VPS4B: variants seen among roughly 807,000 people sequenced by gnomAD.
VPS4B encodes the protein vacuolar protein sorting 4 homolog B, also known as vacuolar protein sorting-associated protein 4B.
Under a neutral mutation model 56.1 loss-of-function variants are expected in VPS4B, and 23 were observed. That is an observed-to-expected ratio of 0.41 (90% CI 0.30 to 0.58). The LOEUF (loss-of-function observed/expected upper bound fraction) is 0.58. Among genes scored for constraint, VPS4B ranks in the 20% least tolerant of loss-of-function variants. The probability of loss-of-function intolerance (pLI) is 0.29; values close to 1 mark genes in which losing one functional copy is unlikely to be tolerated. For synonymous variants in VPS4B, 177 were observed against 186.0 expected (o/e 0.95, Z 0.39); for missense variants, 372 against 531.9 (o/e 0.70, Z 2.96).
chr18:63,412,789 A>G (rs1251782380), intron 1 of VPS4B, among the ~76,000 whole-genome samples: 4 of 152,178 alleles, frequency 2.6e-5, no homozygotes, highest in Non-Finnish European at 4.4e-5. Flanking sequence ...AGCCTCCCCA[A>G]ATAGCAGGAT....
At position 63,410,938 on chromosome 18, in the gene VPS4B, G is replaced by C. The variant is rs74595801; in HGVS notation, c.140-492C>G. Among the ~76,000 whole-genome samples the C allele has an allele frequency of 3.5e-3, 537 of 152,320 alleles. 3 individuals are homozygous for C. The highest frequency in any genetic ancestry group is 0.012 in the African/African-American group (510 of 41,566). ...TAAATTTTACTACACAAAGGCCTCT[G>C]TCAGAGCTGTTTTCAAAGTGAACTT... On this transcript the variant is annotated intron_variant, in intron 2 of 10. Transcript: ENST00000238497.
In VPS4B at chr18:63,390,914, A is replaced by G; in HGVS notation, c.*61T>C. 1 of 1,226,324 alleles carries G rather than the reference A, an allele frequency of 8.2e-7. No individual in the cohort carries two copies. The highest frequency in any genetic ancestry group is 1.2e-6 in the Non-Finnish European group (1 of 845,882). 76.0% of individuals were successfully genotyped at this position (1,226,324 alleles called of 1,614,324 possible). A position where few individuals can be genotyped will look rare whatever the true frequency, so the allele number is the denominator to read the frequency against. ...ACTGGAAACAATTAATGCGATCCAA[A>G]TAGACAAAAATATCTATGAAAGAAA... On this transcript the variant is annotated 3_prime_UTR_variant, in exon 11 of 11. Coordinates refer to ENST00000238497, the MANE Select transcript of VPS4B (RefSeq NM_004869.4).
At position 63,393,421 on chromosome 18, in the gene VPS4B, T is replaced by C. The variant is rs200504745; in HGVS notation, c.1221A>G (p.Pro407=). ...CAAAATTTCAAACCATGGAAACAAC[T>C]GGCTCCAAAAGTTTATCTCCAGGGA... is the stretch of plus-strand genomic sequence containing the variant. The part of the protein sequence containing the change: ...MDVPGDKLLE[P]VVSMSDMLRS... The change falls in exon 10 of 11, where the codon CCA becomes CCG. Residue 407 remains proline, a synonymous_variant. Transcript: ENST00000238497. 21 of 1,595,904 alleles carry C rather than the reference T, an allele frequency of 1.3e-5. No individual in the cohort carries two copies. Among genetic ancestry groups the C allele is most frequent in the Non-Finnish European group, 1.7e-5 (20 of 1,173,812 alleles).
intron 2 of VPS4B, 76 bp downstream of exon 2, chr18:63,411,391 T>G: frequency 9.1e-7 from 1 of 1,093,714 alleles, no homozygotes. Flanking sequence ...TGGCATTATA[T>G]TTCAATTTTT....
chr18:63,420,343 G>A (rs980680206), intron 1 of VPS4B, among the ~76,000 whole-genome samples: 10 of 152,156 alleles, frequency 6.6e-5, no homozygotes, highest in African/African-American at 2.4e-4. Flanking sequence ...AGCTACTCGG[G>A]AGGCTGAGGC....
intron 1 of VPS4B, 76 bp from the exon 2 acceptor site, chr18:63,411,654 A>ATTT: frequency 7.0e-6 from 7 of 994,476 alleles, no homozygotes; most frequent in African/African-American, 3.8e-5. Flanking sequence ...TCATACTGAA[A>ATTT]GTTTTTTTTT....
chr18:63,405,543 C>T (rs761652709), intron 4 of VPS4B, among the ~76,000 whole-genome samples: 14 of 152,038 alleles, frequency 9.2e-5, no homozygotes, highest in Non-Finnish European at 1.8e-4. Context: ...CCTGAAATTT[C>T]AAATACATTT....
chr18:63,400,390 A>G (rs1162445163), intron 6 of VPS4B, among the ~76,000 whole-genome samples, 157 bp downstream of exon 6: 2 of 152,244 alleles, frequency 1.3e-5, no homozygotes, highest in African/African-American at 4.8e-5. Context: ...TTTTCCCACA[A>G]AAGAAATTCT....
chr18:63,396,497 A>T (rs548114196), intron 9 of VPS4B: 1 of 154,100 alleles, frequency 6.5e-6, no homozygotes, highest in South Asian at 2.0e-4. Flanking sequence ...AGATCTGCCC[A>T]CCTCGGCCTC....
At position 63,399,221 on chromosome 18, in the gene VPS4B, A is replaced by C. The variant is rs185777276; in HGVS notation, c.872+21T>G. On this transcript the variant is annotated intron_variant, in intron 8 of 10. Transcript: ENST00000238497. Reference sequence around the variant, plus strand: ...TGTTACATCTGCAGTGAGAAATAAGATATTTACTATATTATCCTACCTTCG... The same window carrying C: ...TGTTACATCTGCAGTGAGAAATAAGCTATTTACTATATTATCCTACCTTCG... 1.3e-4 allele frequency: 203 copies of C among 1,581,698 alleles called. No homozygotes were observed. The African/African-American group carries it at 2.4e-3, about 19-fold the overall frequency.
At chr18:63,398,225 T>TATATATATATATATATATA (rs1568084680) in intron 8 of VPS4B, among the ~76,000 whole-genome samples, 28 of 55,004 alleles carry the variant, frequency 5.1e-4, no homozygotes, top group African/African-American at 1.2e-3. Flanking sequence ...ATATATATAT[T>TATATATATATATATATATA]TTTTTTTGAG....
At chr18:63,396,598 C>T (rs1000086811) in intron 9 of VPS4B, 3 of 162,724 alleles carry the variant, frequency 1.8e-5, no homozygotes, top group African/African-American at 7.2e-5. Flanking sequence ...TTCAGTGACA[C>T]AGAAATATGT....
chr18:63,414,182 G>C (rs1916111390), intron 1 of VPS4B, among the ~76,000 whole-genome samples: 1 of 151,736 alleles, frequency 6.6e-6, no homozygotes, highest in Non-Finnish European at 1.5e-5. Flanking sequence ...AGGAGTTCGA[G>C]ACCAGCCTGG....
chr18:63,398,225 T>TATATATATATATACATATATA (rs1568084680), intron 8 of VPS4B, among the ~76,000 whole-genome samples: 1 of 54,994 alleles, frequency 1.8e-5, no homozygotes, highest in African/African-American at 4.8e-5. Flanking sequence ...ATATATATAT[T>TATATATATATATACATATATA]TTTTTTTGAG....
intron 1 of VPS4B, among the ~76,000 whole-genome samples, chr18:63,414,419 T>G (rs529534778): frequency 1.3e-5 from 2 of 152,226 alleles, no homozygotes; most frequent in African/African-American, 4.8e-5. Context: ...TTAAGCCACA[T>G]AGCAGAAATA....
chr18:63,403,852 A>G (rs1255206166), intron 4 of VPS4B, 26 bp from the exon 5 acceptor site: 2 of 1,589,030 alleles, frequency 1.3e-6, no homozygotes, highest in Non-Finnish European at 8.6e-7. Flanking sequence ...TTATCTTTAA[A>G]TTAAGAAAGA....
intron 5 of VPS4B, among the ~76,000 whole-genome samples, chr18:63,401,794 A>T (rs2144419960): frequency 6.6e-6 from 1 of 152,296 alleles, no homozygotes; most frequent in Admixed American, 6.5e-5. Flanking sequence ...GGAGCTCGGG[A>T]CAACTGTGGC....
At chr18:63,421,125 G>A (rs921615707) in intron 1 of VPS4B, among the ~76,000 whole-genome samples, 6 of 151,748 alleles carry the variant, frequency 4.0e-5, no homozygotes, top group Admixed American at 1.3e-4. Context: ...AGTCATTGTT[G>A]CAATTATACA....
chr18:63,401,253 CTTTTA>C (rs751788255), intron 5 of VPS4B, among the ~76,000 whole-genome samples: 28 of 149,434 alleles, frequency 1.9e-4, no homozygotes, highest in Admixed American at 8.6e-4. Flanking sequence ...AGCAGACTTT[CTTTTA>C]TTTTATTTTT....
Sources: gnomAD v4.1 joint callset for allele counts (sites outside exome capture counted in the v4.1 genomes callset) on GRCh38, gnomAD v4.1.1 for gene constraint, MANE v1.5 for transcripts, NCBI Gene and HGNC (gene_info 2026-07-23, HGNC 2026-07-21) for gene names.